CAMK1D: variants seen among roughly 807,000 people sequenced by gnomAD.
The protein encoded by CAMK1D is calcium/calmodulin-dependent protein kinase type 1D.
Under a neutral mutation model 47.7 loss-of-function variants are expected in CAMK1D, and 9 were observed. The observed-to-expected ratio is 0.19, with a 90% CI of 0.11 to 0.33. The LOEUF (loss-of-function observed/expected upper bound fraction) is 0.33. Ranked by LOEUF, CAMK1D falls within the 10% of genes least tolerant of loss-of-function variation. CAMK1D has a pLI of 1.00. For synonymous variants in CAMK1D, 184 were observed against 184.9 expected (o/e 0.99, Z 0.04); for missense variants, 291 against 488.7 (o/e 0.60, Z 3.81).
intron 1 of CAMK1D, among the ~76,000 whole-genome samples, chr10:12,357,536 A>G (rs12766192): frequency 0.99 from 150,229 of 152,278 alleles, 74,126 homozygotes; most frequent in Non-Finnish European, 1. Context: ...GGCTGGTCTA[A>G]AACTTCTGAC....
chr10:12,631,919 G>C (rs1333384170), intron 2 of CAMK1D, among the ~76,000 whole-genome samples: 1 of 152,166 alleles, frequency 6.6e-6, no homozygotes, highest in Non-Finnish European at 1.5e-5. Flanking sequence ...CCGTGTTTCT[G>C]TCTCTCTTCC....
intron 8 of CAMK1D, among the ~76,000 whole-genome samples, chr10:12,821,975 A>G (rs943543565): frequency 2.6e-5 from 4 of 151,390 alleles, no homozygotes; most frequent in African/African-American, 9.7e-5. Flanking sequence ...CTCTGTCTCA[A>G]AAAAAAAAGA....
chr10:12,760,821 G>A (rs1004656127), intron 3 of CAMK1D, 127 bp from the exon 4 acceptor site: 2 of 972,000 alleles, frequency 2.1e-6, no homozygotes, highest in East Asian at 2.5e-5. Flanking sequence ...AGGAATAGGG[G>A]GGCAACATCT....
rs1835044359 is a variant in CAMK1D at position 12,734,348 on chromosome 10, ATATATATATATATATATAT to A, written c.300-26599_300-26581del. Among the ~76,000 whole-genome samples the A allele has an allele frequency of 9.4e-4, 5 of 5,328 alleles. 2 individuals are homozygous for A. Among genetic ancestry groups the A allele is most frequent in the African/African-American group, 2.1e-3 (5 of 2,346 alleles). The allele number at this position is 5,328 out of a possible 152,430, so 3.5% of individuals were successfully genotyped here. On this transcript the variant is annotated intron_variant, in intron 3 of 10. Transcript: ENST00000619168. ...AAAAAAAAAAAAAAAAAAAAAAAATATATATATATATATATATATATATATATATAGATATAGATATAGA... is the reference window on the plus strand; with the variant it reads ...AAAAAAAAAAAAAAAAAAAAAAAATAATATATATATAGATATAGATATAGA...
chr10:12,557,342 G>T (rs1361836181), intron 2 of CAMK1D, among the ~76,000 whole-genome samples: 1 of 151,920 alleles, frequency 6.6e-6, no homozygotes, highest in Admixed American at 6.5e-5. Flanking sequence ...GAGGTCAGGA[G>T]ATCGAGACAA....
intron 1 of CAMK1D, among the ~76,000 whole-genome samples, chr10:12,354,701 C>T (rs1456663950): frequency 2.6e-5 from 4 of 152,052 alleles, no homozygotes; most frequent in East Asian, 1.9e-4. Flanking sequence ...TGAGCCGCCG[C>T]GCCCAGCCGA....
intron 5 of CAMK1D, among the ~76,000 whole-genome samples, chr10:12,783,098 T>C (rs1837573008): frequency 6.6e-6 from 1 of 151,536 alleles, no homozygotes; most frequent in Non-Finnish European, 1.5e-5. Flanking sequence ...GTCCAAGCAG[T>C]TCTCCTGCCT....
intron 2 of CAMK1D, among the ~76,000 whole-genome samples, chr10:12,560,920 CTT>C (rs201689289): frequency 0.27 from 41,072 of 149,980 alleles, 5,800 homozygotes; most frequent in Admixed American, 0.3. Context: ...TTCTTTCTTT[CTT>C]TTTTTTTTTG....
intron 1 of CAMK1D, among the ~76,000 whole-genome samples, chr10:12,519,973 C>G (rs1433788318): frequency 1.8e-5 from 1 of 55,248 alleles, no homozygotes; most frequent in African/African-American, 7.5e-5. Context: ...GACGGGGCAA[C>G]TGGCCGGGCA....
chr10:12,387,418 TTATATATTTTATATATTATATATATTTTA>T (rs1838551613), intron 1 of CAMK1D, among the ~76,000 whole-genome samples: 2 of 37,984 alleles, frequency 5.3e-5, no homozygotes, highest in East Asian at 1.1e-3. Flanking sequence ...TATATATATT[TTATATATTTTATATATTATATATATTTTA>T]TATATATATA....
intron 1 of CAMK1D, among the ~76,000 whole-genome samples, chr10:12,532,546 T>A (rs1369755628): frequency 6.6e-6 from 1 of 152,258 alleles, no homozygotes; most frequent in Non-Finnish European, 1.5e-5. Flanking sequence ...CCCAAAGTGC[T>A]GGGATTACAG....
intron 10 of CAMK1D, among the ~76,000 whole-genome samples, chr10:12,827,464 G>GTCTTTCTTTCTTTCTTTCTT (rs1564594078): frequency 0.019 from 116 of 6,004 alleles, 47 homozygotes; most frequent in African/African-American, 0.035. Context: ...TTCTTTCTTT[G>GTCTTTCTTTCTTTCTTTCTT]TCTGTCTGTC....
At chr10:12,689,948 A>G (rs1832810165) in intron 3 of CAMK1D, among the ~76,000 whole-genome samples, 1 of 152,228 alleles carries the variant, frequency 6.6e-6, no homozygotes, top group South Asian at 2.1e-4. Flanking sequence ...TATACAAAGT[A>G]AACAAGACAT....
chr10:12,690,242 G>C (rs974800892), intron 3 of CAMK1D, among the ~76,000 whole-genome samples: 3 of 152,190 alleles, frequency 2.0e-5, no homozygotes, highest in African/African-American at 4.8e-5. Context: ...GCCAGCCATT[G>C]TTCCATATAC....
chr10:12,617,361 C>T (rs1446155926), intron 2 of CAMK1D, among the ~76,000 whole-genome samples: 1 of 152,162 alleles, frequency 6.6e-6, no homozygotes, highest in Non-Finnish European at 1.5e-5. Flanking sequence ...ACTCCACTAG[C>T]CAGAAATTCC....
In CAMK1D at chr10:12,734,379, G is replaced by GAT. The variant is rs1261052658; in HGVS notation, c.300-26565_300-26564dup. ...ATATATATATATATATATATATATAGATATAGATATAGATATATATATATA... is the reference window on the plus strand; with the variant it reads ...ATATATATATATATATATATATATAGATATATAGATATAGATATATATATATA... On this transcript the variant is annotated intron_variant, in intron 3 of 10. Coordinates refer to ENST00000619168, the MANE Select transcript of CAMK1D (RefSeq NM_153498.4). Among the ~76,000 whole-genome samples, 10 of 45,542 alleles carry GAT rather than the reference G, an allele frequency of 2.2e-4. No individual in the cohort carries two copies. In the South Asian group the frequency reaches 3.0e-3, roughly 14 times the overall value. 29.9% of individuals were successfully genotyped at this position (45,542 alleles called of 152,430 possible).
chr10:12,383,144 C>T (rs1333670187), intron 1 of CAMK1D, among the ~76,000 whole-genome samples: 1 of 151,968 alleles, frequency 6.6e-6, no homozygotes, highest in Non-Finnish European at 1.5e-5. Flanking sequence ...TCCAGGTTTC[C>T]GGGTGTAGTT....
intron 3 of CAMK1D, among the ~76,000 whole-genome samples, chr10:12,676,325 C>T (rs1372681553): frequency 6.6e-6 from 1 of 152,170 alleles, no homozygotes; most frequent in Non-Finnish European, 1.5e-5. Context: ...CACCTGTTCA[C>T]TGACATATAC....
chr10:12,758,140 A>G (rs555833227), intron 3 of CAMK1D, among the ~76,000 whole-genome samples: 120 of 151,972 alleles, frequency 7.9e-4, no homozygotes, highest in Non-Finnish European at 1.4e-3. Context: ...ATGAGCCACC[A>G]CACCCGGCTG....
Sources: allele counts gnomAD v4.1 joint callset (sites outside exome capture counted in the v4.1 genomes callset), GRCh38; gene constraint gnomAD v4.1.1; transcripts MANE v1.5; gene names NCBI Gene and HGNC (gene_info 2026-07-23, HGNC 2026-07-21).